Variants in ENTREP2 observed in about 807,000 individuals in gnomAD.
ENTREP2 encodes protein ENTREP2.
At chr15:29,665,167 G>A in the ENTREP2 span, among the ~76,000 whole-genome samples, 2 of 152,156 alleles carry the variant, frequency 1.3e-5, no homozygotes, top group South Asian at 2.1e-4. Flanking sequence ...CCCATCTCAT[G>A]CCCTCTCTTT....
the ENTREP2 span, among the ~76,000 whole-genome samples, chr15:29,229,159 G>A: frequency 2.4e-4 from 36 of 152,036 alleles, no homozygotes; most frequent in African/African-American, 7.7e-4. Flanking sequence ...TTAGTGTTTC[G>A]TTAAAAGTAT....
chr15:29,204,859 C>T, the ENTREP2 span, among the ~76,000 whole-genome samples: 9 of 152,150 alleles, frequency 5.9e-5, no homozygotes, highest in Admixed American at 2.6e-4. Flanking sequence ...CACCATTTGT[C>T]GGCATACAGT....
At chr15:29,420,592 T>A in the ENTREP2 span, among the ~76,000 whole-genome samples, 1 of 152,120 alleles carries the variant, frequency 6.6e-6, no homozygotes, top group Admixed American at 6.5e-5. Flanking sequence ...CGTGTAAAAA[T>A]TTGAGTTTGG....
chr15:29,283,632 C>G, the ENTREP2 span, among the ~76,000 whole-genome samples: 80,614 of 152,032 alleles, frequency 0.53, 23,670 homozygotes, highest in Non-Finnish European at 0.68. Flanking sequence ...ACAGCAAACT[C>G]ATGTGCCCCC....
chr15:29,261,708 G>A, the ENTREP2 span, among the ~76,000 whole-genome samples: 3 of 152,006 alleles, frequency 2.0e-5, no homozygotes, highest in African/African-American at 7.2e-5. Context: ...AAAAAGCATA[G>A]TTCAAATCCA....
chr15:29,600,470 C>CATCATCATCAT, the ENTREP2 span, among the ~76,000 whole-genome samples: 3 of 116,710 alleles, frequency 2.6e-5, no homozygotes, highest in Non-Finnish European at 6.0e-5. Flanking sequence ...TCATCATCAT[C>CATCATCATCAT]AATCATCATC....
chr15:29,124,680 G>A, the ENTREP2 span: 37 of 1,550,042 alleles, frequency 2.4e-5, no homozygotes, highest in Middle Eastern at 5.0e-4. Flanking sequence ...GAAAAGAAGC[G>A]TCTCACCGCT....
the ENTREP2 span, among the ~76,000 whole-genome samples, chr15:29,191,504 G>T: frequency 6.6e-6 from 1 of 151,766 alleles, no homozygotes; most frequent in Non-Finnish European, 1.5e-5. Flanking sequence ...AGGGCTCATG[G>T]AAAAAAAAGA....
At chr15:29,127,180 C>T in the ENTREP2 span, among the ~76,000 whole-genome samples, 1 of 152,174 alleles carries the variant, frequency 6.6e-6, no homozygotes, top group South Asian at 2.1e-4. Context: ...CAGGGCTGGG[C>T]TCTTGCCGGG....
At chr15:29,241,997 T>C in the ENTREP2 span, among the ~76,000 whole-genome samples, 11 of 152,302 alleles carry the variant, frequency 7.2e-5, no homozygotes, top group South Asian at 1.0e-3. Flanking sequence ...TGAGCTATGA[T>C]TGCACCACTG....
the ENTREP2 span, among the ~76,000 whole-genome samples, chr15:29,449,105 G>A: frequency 6.6e-6 from 1 of 152,234 alleles, no homozygotes; most frequent in East Asian, 1.9e-4. Flanking sequence ...GAATGAGAAA[G>A]AAAGAGTAGT....
chr15:29,658,138 C>G, the ENTREP2 span, among the ~76,000 whole-genome samples: 2 of 152,072 alleles, frequency 1.3e-5, no homozygotes, highest in African/African-American at 2.4e-5. Context: ...TGGGGGGGAC[C>G]AGGTGGAGAT....
At chr15:29,191,921 T>C in the ENTREP2 span, among the ~76,000 whole-genome samples, 3 of 152,066 alleles carry the variant, frequency 2.0e-5, no homozygotes, top group Non-Finnish European at 4.4e-5. Context: ...TCAAAAGAGT[T>C]TGTTAAGTCA....
At chr15:29,651,502 C>T in the ENTREP2 span, among the ~76,000 whole-genome samples, 8 of 152,344 alleles carry the variant, frequency 5.3e-5, 1 homozygote, top group South Asian at 1.7e-3. Flanking sequence ...AAGCCCCGCC[C>T]TCCCTGGGTA....
At chr15:29,136,314 T>C in the ENTREP2 span, 2 of 1,445,202 alleles carry the variant, frequency 1.4e-6, no homozygotes, top group Non-Finnish European at 1.8e-6. Context: ...GCCGGGACGG[T>C]GTCCCTAGCA....
At chr15:29,397,497 GT>G in the ENTREP2 span, among the ~76,000 whole-genome samples, 1 of 152,124 alleles carries the variant, frequency 6.6e-6, no homozygotes, top group Non-Finnish European at 1.5e-5. Context: ...GCTAGCAGTG[GT>G]TAGAAAGAAC....
At chr15:29,382,067 C>T in the ENTREP2 span, among the ~76,000 whole-genome samples, 3 of 152,064 alleles carry the variant, frequency 2.0e-5, no homozygotes, top group East Asian at 3.9e-4. Context: ...CTAGGTGGCC[C>T]GAGAGTGACA....
the ENTREP2 span, among the ~76,000 whole-genome samples, chr15:29,474,503 C>T: frequency 0.1 from 15,520 of 152,094 alleles, 999 homozygotes; most frequent in African/African-American, 0.19. Context: ...CTGGTCACTG[C>T]GTGGGGACTT....
the ENTREP2 span, among the ~76,000 whole-genome samples, chr15:29,299,487 T>C: frequency 1.3e-5 from 2 of 152,156 alleles, no homozygotes; most frequent in African/African-American, 4.8e-5. Context: ...CCAGCCAGGC[T>C]CCAGCATCAC....
Sources: allele counts gnomAD v4.1 joint callset (sites outside exome capture counted in the v4.1 genomes callset), GRCh38; gene constraint gnomAD v4.1.1; transcripts MANE v1.5; gene names NCBI Gene and HGNC (gene_info 2026-07-23, HGNC 2026-07-21).